Variants in AJAP1 observed in about 807,000 individuals in gnomAD.
AJAP1 encodes the protein adherens junctions associated protein 1.
AJAP1 carries 5 observed loss-of-function variants against 35.0 expected under a neutral mutation model. The observed-to-expected ratio is 0.14, with a 90% CI of 0.07 to 0.30. The LOEUF (loss-of-function observed/expected upper bound fraction) is 0.30, where lower values mean the gene tolerates loss of function less well. Ranked by LOEUF, AJAP1 falls within the 10% of genes least tolerant of loss-of-function variation. The probability of loss-of-function intolerance (pLI) is 1.00; values close to 1 mark genes in which losing one functional copy is unlikely to be tolerated. For synonymous variants in AJAP1, 284 were observed against 249.3 expected, an observed-to-expected ratio of 1.14 and a Z score of -1.31; for missense variants, 586 against 571.0, an observed-to-expected ratio of 1.03 and a Z score of -0.27.
At chr1:4,755,521 G>A (rs1167401002) in intron 2 of AJAP1, among the ~76,000 whole-genome samples, 1 of 152,012 alleles carries the variant, frequency 6.6e-6, no homozygotes, top group Non-Finnish European at 1.5e-5. Context: ...TTGCTCCAGG[G>A]AGATTAAGCT....
chr1:4,766,789 C>T (rs1433493454), intron 2 of AJAP1, among the ~76,000 whole-genome samples: 1 of 152,122 alleles, frequency 6.6e-6, no homozygotes, highest in African/African-American at 2.4e-5. Context: ...GACACTGGAG[C>T]AGAGAATTGC....
Position 4,765,082 on chromosome 1 carries a change from A to G in AJAP1, c.830-4771A>G, listed in dbSNP as rs535451972. 5.2e-4 allele frequency among the ~76,000 whole-genome samples: 79 copies of G among 152,308 alleles called. 1 individual carries two copies. The highest frequency in any genetic ancestry group is 1.3e-4 in the Non-Finnish European group (9 of 68,020). On this transcript the variant is annotated intron_variant, in intron 2 of 5. Coordinates refer to ENST00000378191, the MANE Select transcript of AJAP1 (RefSeq NM_018836.4). ...GGCAGCTGATTCCTCACGCATTAGTATACAGTGGCGATTAACAGAAGCAGA... is the reference window on the plus strand; with the variant it reads ...GGCAGCTGATTCCTCACGCATTAGTGTACAGTGGCGATTAACAGAAGCAGA...
chr1:4,711,939 C>A lies in AJAP1; in HGVS notation c.69C>A (p.Ser23Arg). 1.3e-6 allele frequency: 2 copies of A among 1,549,798 alleles called. No individual in the cohort carries two copies. Among genetic ancestry groups the A allele is most frequent in the Non-Finnish European group, 1.7e-6 (2 of 1,154,876 alleles). ...GCTGGCCGGGCCGCCCCCTCGGAAG[C>A]CATGCCTGGATACTGATAGCCATGT... ...SIRWPGRPLG[S>R]HAWILIAMFQ... Residue 23 changes from serine (S) to arginine (R), a missense_variant, in exon 2 of 6, where the codon AGC becomes AGA. Coordinates refer to ENST00000378191, the MANE Select transcript of AJAP1 (RefSeq NM_018836.4).
At chr1:4,668,831 T>C (rs1639192847) in intron 1 of AJAP1, among the ~76,000 whole-genome samples, 1 of 152,210 alleles carries the variant, frequency 6.6e-6, no homozygotes, top group East Asian at 1.9e-4. Context: ...TCTGCCTGCC[T>C]TTTATTTTCC....
chr1:4,738,746 G>A (rs368340139), intron 2 of AJAP1, among the ~76,000 whole-genome samples: 46 of 152,276 alleles, frequency 3.0e-4, no homozygotes, highest in South Asian at 1.2e-3. Context: ...TGTGGGAAGC[G>A]GGGAGCCCTG....
At chr1:4,781,474 A>G (rs1642062418) in intron 5 of AJAP1, among the ~76,000 whole-genome samples, 1 of 152,222 alleles carries the variant, frequency 6.6e-6, no homozygotes, top group African/African-American at 2.4e-5. Flanking sequence ...GTCTGGCCGC[A>G]TGCTATGCAT....
chr1:4,706,736 G>A (rs1405773410), intron 1 of AJAP1, among the ~76,000 whole-genome samples: 1 of 152,134 alleles, frequency 6.6e-6, no homozygotes, highest in African/African-American at 2.4e-5. Flanking sequence ...GATGTCTTTG[G>A]CCCCTTAATT....
rs1642076554 is a variant in AJAP1 at position 4,782,153 on chromosome 1, G to A, written c.*60-392G>A. On this transcript the variant is annotated intron_variant, in intron 5 of 5. Transcript: ENST00000378191. This position sits in a 1 kb window ranked among gnomAD's most constrained non-coding sequence, Gnocchi z 5.3. ...TCCATGGGAGGAAACTGGACAGAGA[G>A]TGAGAGCAGGGCTGCCACACGCAGG... Among the ~76,000 whole-genome samples, 1 of 152,200 alleles carries A rather than the reference G, an allele frequency of 6.6e-6. No homozygotes were observed. Among genetic ancestry groups the A allele is most frequent in the Non-Finnish European group, 1.5e-5 (1 of 68,042 alleles).
chr1:4,696,601 A>G (rs1199451719), intron 1 of AJAP1, among the ~76,000 whole-genome samples: 1 of 152,238 alleles, frequency 6.6e-6, no homozygotes, highest in Non-Finnish European at 1.5e-5. Context: ...GGGGGTGGCC[A>G]AGGCGGTGGG....
In AJAP1 at chr1:4,720,246, G is replaced by A. The variant is rs572476368; in HGVS notation, c.829+7547G>A. ...ACATGAAGACAGGCTTCGGGTCCCCGCTTTCGATGTGGTTCAACATGGTTC... is the reference window on the plus strand; with the variant it reads ...ACATGAAGACAGGCTTCGGGTCCCCACTTTCGATGTGGTTCAACATGGTTC... On this transcript the variant is annotated intron_variant, in intron 2 of 5. Transcript: ENST00000378191. This position sits in a 1 kb window ranked among gnomAD's most constrained non-coding sequence, Gnocchi z 4.4. Among the ~76,000 whole-genome samples the A allele has an allele frequency of 3.9e-5, 6 of 152,282 alleles. No homozygotes were observed. Among genetic ancestry groups the A allele is most frequent in the African/African-American group, 9.6e-5 (4 of 41,552 alleles).
intron 1 of AJAP1, among the ~76,000 whole-genome samples, chr1:4,676,259 AT>A (rs1050529216): frequency 1.3e-5 from 2 of 151,804 alleles, no homozygotes; most frequent in South Asian, 2.1e-4. Flanking sequence ...CGCATTCTTT[AT>A]TTTTTTTAAC....
At chr1:4,663,042 C>T (rs757450559) in intron 1 of AJAP1, among the ~76,000 whole-genome samples, 1 of 152,158 alleles carries the variant, frequency 6.6e-6, no homozygotes, top group Non-Finnish European at 1.5e-5. Context: ...GCAGCCGTGC[C>T]TCCCCCTTCC....
At chr1:4,773,124 AAAGTATC>A (rs1325787181) in intron 4 of AJAP1, among the ~76,000 whole-genome samples, 1 of 152,224 alleles carries the variant, frequency 6.6e-6, no homozygotes, top group Non-Finnish European at 1.5e-5. Flanking sequence ...GAATTAAATT[AAAGTATC>A]AATAAGCTTT....
intron 2 of AJAP1, among the ~76,000 whole-genome samples, chr1:4,713,060 G>T (rs554082734): frequency 6.6e-6 from 1 of 152,166 alleles, no homozygotes; most frequent in South Asian, 2.1e-4. Context: ...TTTGTCTCTG[G>T]GGCCGGCCCT....
intron 2 of AJAP1, among the ~76,000 whole-genome samples, chr1:4,739,583 C>T (rs1641009903): frequency 6.6e-6 from 1 of 152,220 alleles, no homozygotes; most frequent in African/African-American, 2.4e-5. Flanking sequence ...TCTTAGTCAT[C>T]TTGGCTGGTA....
At chr1:4,685,269 A>G (rs1029580435) in intron 1 of AJAP1, among the ~76,000 whole-genome samples, 11 of 152,196 alleles carry the variant, frequency 7.2e-5, no homozygotes, top group Admixed American at 1.3e-4. Flanking sequence ...ACCTAATTCA[A>G]TCATAAAATG....
chr1:4,763,621 A>T, intron 2 of AJAP1, among the ~76,000 whole-genome samples: 1 of 152,288 alleles, frequency 6.6e-6, no homozygotes, highest in Admixed American at 6.5e-5. Flanking sequence ...GAAGATCCGC[A>T]TTCAGCCATG....
chr1:4,714,122 C>T (rs1173051967), intron 2 of AJAP1, among the ~76,000 whole-genome samples: 1 of 152,142 alleles, frequency 6.6e-6, no homozygotes, highest in Non-Finnish European at 1.5e-5. Flanking sequence ...TTTTTCTGAG[C>T]TCCTCTTCCC....
chr1:4,700,635 G>C (rs1639966439), intron 1 of AJAP1, among the ~76,000 whole-genome samples: 1 of 152,214 alleles, frequency 6.6e-6, no homozygotes, highest in South Asian at 2.1e-4. Flanking sequence ...AGATGGAGAG[G>C]AGCTAGGGCT....
Sources: gnomAD v4.1 joint callset for allele counts (sites outside exome capture counted in the v4.1 genomes callset) on GRCh38, gnomAD v4.1.1 for gene constraint, Gnocchi (gnomAD v3.1) non-coding constraint, MANE v1.5 for transcripts, NCBI Gene and HGNC (gene_info 2026-07-23, HGNC 2026-07-21) for gene names.